The following ZNF710 variants were observed in gnomAD, a reference collection of about 807,000 sequenced individuals.
The protein encoded by ZNF710 is zinc finger protein 710.
ZNF710 carries 13 observed loss-of-function variants against 50.6 expected under a neutral mutation model. The observed-to-expected ratio is 0.26, with a 90% CI of 0.17 to 0.41. ZNF710 has a LOEUF of 0.41. Ranked by LOEUF, ZNF710 falls within the 10% of genes least tolerant of loss-of-function variation. ZNF710 has a pLI of 1.00. For synonymous variants in ZNF710, 383 were observed against 397.0 expected (o/e 0.96, Z 0.42); for missense variants, 721 against 936.6 (o/e 0.77, Z 3.01).
intron 2 of ZNF710, among the ~76,000 whole-genome samples, chr15:90,070,662 A>T (rs557955535): frequency 1.3e-5 from 2 of 152,130 alleles, no homozygotes; most frequent in South Asian, 4.2e-4. Flanking sequence ...AAAGAAAAAA[A>T]TCAAAAAATT....
chr15:90,074,715 A>C, intron 4 of ZNF710: 1 of 354,610 alleles, frequency 2.8e-6, no homozygotes, highest in South Asian at 2.2e-5. Context: ...ACCGTGAGAT[A>C]ATATTTCAAA....
At chr15:90,074,510 T>G (rs1194399786) in intron 4 of ZNF710, 1 of 1,504,044 alleles carries the variant, frequency 6.6e-7, no homozygotes, top group South Asian at 1.2e-5. Context: ...ACGTAAACAA[T>G]ATAATAAAAA....
intron 1 of ZNF710, among the ~76,000 whole-genome samples, chr15:90,036,032 T>C (rs1030899741): frequency 6.6e-6 from 1 of 152,168 alleles, no homozygotes; most frequent in Non-Finnish European, 1.5e-5. Context: ...GAAGAGCTGC[T>C]TGGCATCCTG....
chr15:90,011,135 G>A (rs1015912539), intron 1 of ZNF710, among the ~76,000 whole-genome samples: 1 of 152,050 alleles, frequency 6.6e-6, no homozygotes, highest in Non-Finnish European at 1.5e-5. Context: ...TCACCATGTT[G>A]CCCAGGCTGG....
chr15:90,024,073 A>G (rs1898700606), intron 1 of ZNF710, among the ~76,000 whole-genome samples: 1 of 151,738 alleles, frequency 6.6e-6, no homozygotes, highest in Non-Finnish European at 1.5e-5. Flanking sequence ...GACCAGGTTT[A>G]TAGAGAAAGG....
intron 1 of ZNF710, among the ~76,000 whole-genome samples, chr15:90,066,423 T>C (rs187889430): frequency 9.2e-5 from 14 of 152,196 alleles, no homozygotes; most frequent in South Asian, 2.1e-4. Context: ...AAAATCAGTT[T>C]TTAAATAGTG....
chr15:90,076,663 C>G (rs1201713568), intron 4 of ZNF710: 1 of 151,530 alleles, frequency 6.6e-6, no homozygotes, highest in East Asian at 1.9e-4. Context: ...ATCACTTGAA[C>G]CTGGGAGGCA....
At chr15:90,063,019 C>T (rs561746386) in intron 1 of ZNF710, among the ~76,000 whole-genome samples, 233 of 152,216 alleles carry the variant, frequency 1.5e-3, no homozygotes, top group African/African-American at 5.4e-3. Flanking sequence ...TGGGCAGTGG[C>T]TCAATGAAGA....
chr15:90,013,295 G>T (rs547290815), intron 1 of ZNF710, among the ~76,000 whole-genome samples: 31 of 152,240 alleles, frequency 2.0e-4, no homozygotes, highest in Non-Finnish European at 8.8e-5. Flanking sequence ...TAGAGATGGG[G>T]TTTCACCATG....
At chr15:90,025,600 C>A (rs1301546701) in intron 1 of ZNF710, 1 of 152,098 alleles carries the variant, frequency 6.6e-6, no homozygotes, top group South Asian at 2.1e-4. Flanking sequence ...TATCATTTTT[C>A]TTTTTCATTT....
At chr15:90,052,154 A>G (rs1899665226) in intron 1 of ZNF710, among the ~76,000 whole-genome samples, 1 of 152,026 alleles carries the variant, frequency 6.6e-6, no homozygotes, top group African/African-American at 2.4e-5. Flanking sequence ...CCCTGGCCTG[A>G]TCCCTGGCGC....
In ZNF710 at chr15:90,081,915, A is replaced by G. The variant is rs1201624281; in HGVS notation, c.*2086A>G. 1 of 152,266 alleles carries G rather than the reference A, an allele frequency of 6.6e-6. No individual in the cohort carries two copies. The highest frequency in any genetic ancestry group is 1.5e-5 in the Non-Finnish European group (1 of 68,138). 9.4% of individuals were successfully genotyped at this position (152,266 alleles called of 1,614,324 possible). A position where few individuals can be genotyped will look rare whatever the true frequency, so the allele number is the denominator to read the frequency against. ...CTGCCCTGTGCCTTGGACCTGGGCAAAGCTAGGAGGAGGAAACAGCACAAC... is the reference window on the plus strand; with the variant it reads ...CTGCCCTGTGCCTTGGACCTGGGCAGAGCTAGGAGGAGGAAACAGCACAAC... On this transcript the variant is annotated 3_prime_UTR_variant, in exon 5 of 5. Coordinates refer to ENST00000268154, the MANE Select transcript of ZNF710 (RefSeq NM_198526.4).
chr15:90,010,817 C>G (rs1356426800), intron 1 of ZNF710, among the ~76,000 whole-genome samples: 1 of 151,994 alleles, frequency 6.6e-6, no homozygotes, highest in Non-Finnish European at 1.5e-5. Context: ...GTGGCAGGAT[C>G]ATAGCTTACT....
At chr15:90,064,056 C>T (rs1032520972) in intron 1 of ZNF710, among the ~76,000 whole-genome samples, 1 of 152,228 alleles carries the variant, frequency 6.6e-6, no homozygotes, top group African/African-American at 2.4e-5. Context: ...TCAGTTCCTC[C>T]TTCTTGCTGG....
intron 1 of ZNF710, among the ~76,000 whole-genome samples, chr15:90,057,762 A>G (rs1023234859): frequency 6.6e-6 from 1 of 150,914 alleles, no homozygotes; most frequent in Non-Finnish European, 1.5e-5. Context: ...GCCTCTAGAA[A>G]ATCCCATGTC....
At chr15:90,054,189 A>G (rs1310640407) in intron 1 of ZNF710, among the ~76,000 whole-genome samples, 3 of 151,974 alleles carry the variant, frequency 2.0e-5, no homozygotes, top group African/African-American at 7.3e-5. Context: ...ATGAGGGGAG[A>G]GATGAAAGAG....
chr15:90,004,288 A>G (rs888362009), intron 1 of ZNF710, among the ~76,000 whole-genome samples: 18 of 152,310 alleles, frequency 1.2e-4, no homozygotes, highest in African/African-American at 4.1e-4. Flanking sequence ...TATTTCTAGC[A>G]GAGTTGTGTT....
intron 4 of ZNF710, among the ~76,000 whole-genome samples, chr15:90,077,946 G>A (rs965503425): frequency 1.3e-5 from 2 of 151,790 alleles, no homozygotes; most frequent in Non-Finnish European, 2.9e-5. Flanking sequence ...AGTGGCTCAC[G>A]CCTGTAATCC....
chr15:90,064,817 C>G (rs1292250703), intron 1 of ZNF710, among the ~76,000 whole-genome samples: 2 of 152,130 alleles, frequency 1.3e-5, no homozygotes, highest in Admixed American at 1.3e-4. Context: ...TTGGTTAGGG[C>G]CTTATAATGA....
Sources: gnomAD v4.1 joint callset for allele counts (sites outside exome capture counted in the v4.1 genomes callset) on GRCh38, gnomAD v4.1.1 for gene constraint, MANE v1.5 for transcripts, NCBI Gene and HGNC (gene_info 2026-07-23, HGNC 2026-07-21) for gene names.